Variants in ITGA11 observed in about 807,000 individuals in gnomAD.
ITGA11 encodes the protein integrin alpha-11.
A neutral mutation model predicts 141.9 loss-of-function variants in ITGA11; 97 were observed. That is an observed-to-expected ratio of 0.68 (90% CI 0.58 to 0.81). The LOEUF (loss-of-function observed/expected upper bound fraction) is 0.81, where lower values mean the gene tolerates loss of function less well. ITGA11 is among the 30% of genes least tolerant of loss of function. ITGA11 has a pLI of 0.00. For missense variants in ITGA11, 1,387 were observed against 1,559.2 expected (o/e 0.89, Z 1.86); for synonymous variants, 658 against 624.6 (o/e 1.05, Z -0.80).
chr15:68,399,557 T>C (rs150685463), intron 2 of ITGA11, among the ~76,000 whole-genome samples: 1,649 of 152,206 alleles, frequency 0.011, 33 homozygotes, highest in African/African-American at 0.037. Flanking sequence ...GGAATCAACC[T>C]AGGTGCCCAT....
At chr15:68,384,283 G>A (rs1895931235) in intron 2 of ITGA11, among the ~76,000 whole-genome samples, 1 of 147,336 alleles carries the variant, frequency 6.8e-6, no homozygotes, top group Non-Finnish European at 1.5e-5. Flanking sequence ...AAAAAAAGGA[G>A]ACAGAATGAA....
At chr15:68,354,602 A>G (rs1466289113) in intron 7 of ITGA11, among the ~76,000 whole-genome samples, 1 of 152,042 alleles carries the variant, frequency 6.6e-6, no homozygotes, top group Non-Finnish European at 1.5e-5. Flanking sequence ...CTCAGGGTGG[A>G]ATGTCTTGTG....
intron 1 of ITGA11, among the ~76,000 whole-genome samples, chr15:68,411,212 A>G (rs978753783): frequency 2.6e-5 from 4 of 152,236 alleles, no homozygotes; most frequent in African/African-American, 9.7e-5. Context: ...ACTGGATTCT[A>G]CTTATCCCTT....
chr15:68,386,392 C>G (rs73433903), intron 2 of ITGA11, among the ~76,000 whole-genome samples: 1 of 151,998 alleles, frequency 6.6e-6, no homozygotes, highest in African/African-American at 2.4e-5. Flanking sequence ...ATTCCACAGC[C>G]CTTTCCATGT....
Position 68,298,665 on chromosome 15 carries a change from G to A in ITGA11, c.*4394C>T, listed in dbSNP as rs1397997925. 1 of 151,734 alleles carries A rather than the reference G, an allele frequency of 6.6e-6. No individual in the cohort carries two copies. Among genetic ancestry groups the A allele is most frequent in the Non-Finnish European group, 1.5e-5 (1 of 67,912 alleles). 9.4% of individuals were successfully genotyped at this position (151,734 alleles called of 1,614,324 possible). ...GAAAGATGGACTCTGTCCTTGATAAGCTTGTTCTCCATTTAGATGCATCTA... is the reference window on the plus strand; with the variant it reads ...GAAAGATGGACTCTGTCCTTGATAAACTTGTTCTCCATTTAGATGCATCTA... On this transcript the variant is annotated 3_prime_UTR_variant, in exon 30 of 30. Transcript: ENST00000315757.
At chr15:68,388,871 C>G (rs1448059418) in intron 2 of ITGA11, among the ~76,000 whole-genome samples, 1 of 152,148 alleles carries the variant, frequency 6.6e-6, no homozygotes, top group Non-Finnish European at 1.5e-5. Context: ...TATTGCCTCC[C>G]AAGTACAGTC....
Position 68,313,558 on chromosome 15 carries a change from G to A in ITGA11, c.2882+221C>T, listed in dbSNP as rs186139402. ...CCCCTGCTGGGAGCTCCCCAGGGCC[G>A]GGCCTGTGTCTCCTCCTTCCTCTAA... On this transcript the variant is annotated intron_variant, in intron 23 of 29. Coordinates refer to ENST00000315757, the MANE Select transcript of ITGA11 (RefSeq NM_001004439.2). Among the ~76,000 whole-genome samples the A allele has an allele frequency of 1.3e-3, 204 of 152,122 alleles. 2 individuals are homozygous for A. The East Asian group carries it at 0.035, about 26-fold the overall frequency.
chr15:68,361,671 T>G lies in ITGA11; in HGVS notation c.391A>C (p.Ser131Arg). Residue 131 changes from serine (S) to arginine (R), a missense_variant, in exon 5 of 30, where the codon AGC becomes CGC. Coordinates refer to ENST00000315757, the MANE Select transcript of ITGA11 (RefSeq NM_001004439.2). ...CACATCCCTGTGGTGTAGTAGGAGC[T>G]CCCACACTCATGAGACCAGAGGGGG... Reference protein sequence around the residue: ...CSPLWSHECGSSYYTTGMCSR... With the variant: ...CSPLWSHECGRSYYTTGMCSR... The G allele has an allele frequency of 6.2e-7, 1 of 1,609,502 alleles. No homozygotes were observed. The highest frequency in any genetic ancestry group is 1.1e-5 in the South Asian group (1 of 89,858).
intron 7 of ITGA11, among the ~76,000 whole-genome samples, chr15:68,352,206 T>TA (rs1894936956): frequency 6.7e-6 from 1 of 150,032 alleles, no homozygotes; most frequent in African/African-American, 2.5e-5. Context: ...TTTTTTTTTT[T>TA]AATTGAGACA....
At chr15:68,367,024 G>A (rs918801428) in intron 3 of ITGA11, among the ~76,000 whole-genome samples, 1 of 152,162 alleles carries the variant, frequency 6.6e-6, no homozygotes, top group Non-Finnish European at 1.5e-5. Flanking sequence ...CCACTGTGGG[G>A]CAAAACTGAC....
Position 68,317,869 on chromosome 15 carries a change from G to T in ITGA11, c.2617-506C>A, listed in dbSNP as rs372603451. 1.2e-4 allele frequency among the ~76,000 whole-genome samples: 18 copies of T among 152,320 alleles called. 1 individual carries two copies. The South Asian group carries it at 3.7e-3, about 32-fold the overall frequency. On this transcript the variant is annotated intron_variant, in intron 20 of 29. Transcript: ENST00000315757. ...TGTCTCTGGGCATGCATGCACCCGT[G>T]TGGATGTGAGCATGTGTCTGTGGAG...
Position 68,335,582 on chromosome 15 carries a change from A to G in ITGA11, c.1425+115T>C, listed in dbSNP as rs1016556089. 7 of 1,217,350 alleles carry G rather than the reference A, an allele frequency of 5.8e-6. No individual in the cohort carries two copies. In the African/African-American group the frequency reaches 9.0e-5, roughly 16 times the overall value. The allele number at this position is 1,217,350 out of a possible 1,614,324, so 75.4% of individuals were successfully genotyped here. On this transcript the variant is annotated intron_variant, in intron 12 of 29. Transcript: ENST00000315757. The surrounding 1 kb of genome is among the most constrained non-coding windows in gnomAD (Gnocchi z 4.9). Reference sequence around the variant, plus strand: ...GCAGCATGAAGGTGGCTGGAGGAACATGACTGCCCTTTGGGGCACCCAGTG... The same window carrying G: ...GCAGCATGAAGGTGGCTGGAGGAACGTGACTGCCCTTTGGGGCACCCAGTG...
At chr15:68,367,419 G>T (rs976884159) in intron 3 of ITGA11, among the ~76,000 whole-genome samples, 1 of 152,110 alleles carries the variant, frequency 6.6e-6, no homozygotes, top group Non-Finnish European at 1.5e-5. Context: ...CTACCTTAGG[G>T]CGTTTGCACT....
chr15:68,364,936 A>G, intron 3 of ITGA11, 138 bp from the exon 4 acceptor site: 1 of 920,048 alleles, frequency 1.1e-6, no homozygotes, highest in Admixed American at 2.2e-5. Context: ...GGGTTTACAA[A>G]GGCCTTCCCC....
At chr15:68,358,369 T>C (rs1895133995) in intron 6 of ITGA11, 89 bp downstream of exon 6, 2 of 1,412,772 alleles carry the variant, frequency 1.4e-6, no homozygotes, top group African/African-American at 1.4e-5. Context: ...CCTTCGTGCA[T>C]GCAAAGATCT....
chr15:68,365,898 C>T (rs1274567143), intron 3 of ITGA11, among the ~76,000 whole-genome samples: 1 of 151,984 alleles, frequency 6.6e-6, no homozygotes, highest in Non-Finnish European at 1.5e-5. Flanking sequence ...TGCACTGTGT[C>T]GGTGACTGGA....
intron 1 of ITGA11, among the ~76,000 whole-genome samples, chr15:68,429,505 G>A (rs774833318): frequency 5.3e-5 from 8 of 151,980 alleles, no homozygotes; most frequent in African/African-American, 1.2e-4. Context: ...ACCCCATCAC[G>A]CTGTCCAGCC....
intron 2 of ITGA11, among the ~76,000 whole-genome samples, chr15:68,384,927 A>T (rs1424033901): frequency 6.6e-6 from 1 of 152,204 alleles, no homozygotes; most frequent in Non-Finnish European, 1.5e-5. Flanking sequence ...CTTGTGTAAG[A>T]TGCATCTTTC....
intron 2 of ITGA11, among the ~76,000 whole-genome samples, chr15:68,377,995 C>A (rs1895769660): frequency 6.6e-6 from 1 of 152,214 alleles, no homozygotes; most frequent in African/African-American, 2.4e-5. Flanking sequence ...TCTAGACCTG[C>A]CTTTCTGATA....
Sources: allele counts gnomAD v4.1 joint callset (sites outside exome capture counted in the v4.1 genomes callset), GRCh38; gene constraint gnomAD v4.1.1; non-coding constraint Gnocchi (gnomAD v3.1); transcripts MANE v1.5; gene names NCBI Gene and HGNC (gene_info 2026-07-23, HGNC 2026-07-21).